The following C9orf78 variants were observed in gnomAD, a reference collection of about 807,000 sequenced individuals.
C9orf78 encodes splicing factor C9orf78.
In C9orf78, 19 loss-of-function variants were observed where a neutral mutation model predicts 37.4. The observed-to-expected ratio is 0.51, with a 90% CI of 0.35 to 0.74. C9orf78 has a LOEUF of 0.74. Among genes scored for constraint, C9orf78 ranks in the 30% least tolerant of loss-of-function variants. The probability of loss-of-function intolerance (pLI) is 0.01; values close to 1 mark genes in which losing one functional copy is unlikely to be tolerated. For synonymous variants in C9orf78, 130 were observed against 128.0 expected (o/e 1.02, Z -0.10); for missense variants, 291 against 370.8 (o/e 0.78, Z 1.77).
intron 6 of C9orf78, chr9:129,830,536 A>G: frequency 3.8e-6 from 1 of 262,880 alleles, no homozygotes; most frequent in Non-Finnish European, 7.4e-6. Context: ...TTTTTTTGAG[A>G]TGGAGTCTTG....
At position 129,827,627 on chromosome 9, in the gene C9orf78, C is replaced by G. The variant is rs1399869002; in HGVS notation, c.*534G>C. ...TAATGCTCACAAGAATAGAGTTTGC[C>G]CCCAAATGGAAAATTACACATTATT... is the stretch of plus-strand genomic sequence containing the variant. On this transcript the variant is annotated 3_prime_UTR_variant, in exon 9 of 9. Coordinates refer to ENST00000372447, the MANE Select transcript of C9orf78 (RefSeq NM_016520.3). 1 of 152,120 alleles carries G rather than the reference C, an allele frequency of 6.6e-6. No homozygotes were observed. The highest frequency in any genetic ancestry group is 1.5e-5 in the Non-Finnish European group (1 of 68,110). The allele number at this position is 152,120 out of a possible 1,614,324, so 9.4% of individuals were successfully genotyped here. A position where few individuals can be genotyped will look rare whatever the true frequency, so the allele number is the denominator to read the frequency against.
At chr9:129,833,065 A>ATGTG (rs1491369132) in intron 4 of C9orf78, among the ~76,000 whole-genome samples, 1 of 101,594 alleles carries the variant, frequency 9.8e-6, no homozygotes, top group Non-Finnish European at 2.4e-5. Context: ...ATGTGTGTAC[A>ATGTG]TATGTGTGTG....
At chr9:129,834,844 G>A (rs1038566913) in intron 1 of C9orf78, 78 bp from the exon 2 acceptor site, 1 of 1,153,250 alleles carries the variant, frequency 8.7e-7, no homozygotes, top group Middle Eastern at 2.0e-4. Flanking sequence ...AGCCAATAAG[G>A]CACCTTCGAG....
intron 6 of C9orf78, 129 bp downstream of exon 6, chr9:129,830,742 C>T: frequency 1.5e-6 from 1 of 685,988 alleles, no homozygotes; most frequent in East Asian, 2.7e-5. Context: ...GAACTCCTGA[C>T]CTCGTGATCC....
In C9orf78 at chr9:129,833,723, A is replaced by G. The variant is rs539068816; in HGVS notation, c.144-14T>C. On this transcript the variant is annotated splice_polypyrimidine_tract_variant and intron_variant, in intron 2 of 8. Transcript: ENST00000372447. ...AAGGCCACAGCACTGAGCAAAACCA[A>G]AAAAAAAAGAGAGGGGGAGAGAGAG... The G allele has an allele frequency of 3.2e-6, 5 of 1,575,810 alleles. No homozygotes were observed. In the East Asian group the frequency reaches 1.1e-4, roughly 35 times the overall value.
At chr9:129,829,341 A>G (rs1210454001) in intron 7 of C9orf78, 38 bp from the exon 8 acceptor site, 1 of 1,601,686 alleles carries the variant, frequency 6.2e-7, no homozygotes, top group East Asian at 2.2e-5. Context: ...TTAGAACATG[A>G]GGTTCCTAGG....
chr9:129,829,366 T>C (rs994114431), intron 7 of C9orf78, 39 bp downstream of exon 7: 36 of 1,605,392 alleles, frequency 2.2e-5, no homozygotes, highest in East Asian at 4.5e-5. Context: ...TCAGCCCAAA[T>C]AGGGGAATGG....
chr9:129,829,732 CTCTGCTCT>C (rs1451193452), intron 6 of C9orf78, 191 bp from the exon 7 acceptor site: 1 of 543,872 alleles, frequency 1.8e-6, no homozygotes, highest in Non-Finnish European at 3.3e-6. Flanking sequence ...ACCACAGTTA[CTCTGCTCT>C]TCTGATCAAG....
Position 129,827,374 on chromosome 9 carries a change from T to C in C9orf78, c.*787A>G, listed in dbSNP as rs2031363412. 1 of 151,966 alleles carries C rather than the reference T, an allele frequency of 6.6e-6. No individual in the cohort carries two copies. The allele number at this position is 151,966 out of a possible 1,614,324, so 9.4% of individuals were successfully genotyped here. A position where few individuals can be genotyped will look rare whatever the true frequency, so the allele number is the denominator to read the frequency against. ...TTTTTTAATGAAAACAAACAAGTAATTTTGTAAAAGTCAGAAAACACCAGT... is the reference window on the plus strand; with the variant it reads ...TTTTTTAATGAAAACAAACAAGTAACTTTGTAAAAGTCAGAAAACACCAGT... On this transcript the variant is annotated 3_prime_UTR_variant, in exon 9 of 9. Transcript: ENST00000372447.
rs376381202 is a variant in C9orf78 at position 129,829,325 on chromosome 9, G to A, written c.680-22C>T. Reference sequence around the variant, plus strand: ...TAAACTGGACCCAAAGAGACCAGGGGACACGTTAGAACATGAGGTTCCTAG... The same window carrying A: ...TAAACTGGACCCAAAGAGACCAGGGAACACGTTAGAACATGAGGTTCCTAG... On this transcript the variant is annotated intron_variant, in intron 7 of 8. Coordinates refer to ENST00000372447, the MANE Select transcript of C9orf78 (RefSeq NM_016520.3). 1,309 of 1,601,898 alleles carry A rather than the reference G, an allele frequency of 8.2e-4. 14 individuals are homozygous for A. Among genetic ancestry groups the A allele is most frequent in the Middle Eastern group, 2.8e-3 (17 of 5,972 alleles).
chr9:129,833,303 T>C (rs2031558422), intron 4 of C9orf78, 144 bp downstream of exon 4: 3 of 631,628 alleles, frequency 4.7e-6, no homozygotes, highest in Non-Finnish European at 8.6e-6. Context: ...TCTTTGTTTT[T>C]AAATAACACA....
chr9:129,831,766 A>G (rs1294055586), intron 5 of C9orf78, 130 bp downstream of exon 5: 1 of 709,620 alleles, frequency 1.4e-6, no homozygotes, highest in African/African-American at 1.8e-5. Context: ...TTAAGCTGGG[A>G]AGTAGAAAGA....
At position 129,830,993 on chromosome 9, in the gene C9orf78, C is replaced by A. The variant is rs1187347943; in HGVS notation, c.420G>T (p.Lys140Asn). The A allele has an allele frequency of 1.2e-6, 2 of 1,613,202 alleles. No individual in the cohort carries two copies. The highest frequency in any genetic ancestry group is 1.1e-5 in the South Asian group (1 of 91,062). The change falls in exon 6 of 9, where the codon AAG (lysine) becomes AAT (asparagine). Residue 140 changes from lysine (K) to asparagine (N), a missense_variant. By Grantham distance (94) the Lys-to-Asn change is moderately conservative. Around this residue, in one of 3 missense-constraint regions of C9orf78, gnomAD observed 158 missense variants for 174.8 expected, o/e 0.90. Coordinates refer to ENST00000372447, the MANE Select transcript of C9orf78 (RefSeq NM_016520.3). The stretch of plus-strand genomic sequence containing the variant: ...GTTCATAAAGACAGTCCTCTGCATT[C>A]TTTGGCTTAACTTTCTGTTCCTCAT... ...VEHEEQKVKPKNAEDCLYELP... is the reference protein window; with the variant it reads ...VEHEEQKVKPNNAEDCLYELP...
Position 129,829,186 on chromosome 9 carries a change from A to C in C9orf78, c.778+19T>G, listed in dbSNP as rs771646091. Reference sequence around the variant, plus strand: ...TTGCTGAGCACTCCAGGCAGCCCCGAGGCCTTTGTTGCACTCACGCTCAGG... The same window carrying C: ...TTGCTGAGCACTCCAGGCAGCCCCGCGGCCTTTGTTGCACTCACGCTCAGG... On this transcript the variant is annotated intron_variant, in intron 8 of 8. Transcript: ENST00000372447. 2.0e-5 allele frequency: 32 copies of C among 1,569,352 alleles called. No homozygotes were observed. In the East Asian group the frequency reaches 6.7e-4, roughly 33 times the overall value.
chr9:129,828,337 C>T lies in C9orf78; in HGVS notation c.779-85G>A, dbSNP rs971022463. 13 of 804,314 alleles carry T rather than the reference C, an allele frequency of 1.6e-5. No homozygotes were observed. The Admixed American group carries it at 2.1e-4, about 13-fold the overall frequency. 49.8% of individuals were successfully genotyped at this position (804,314 alleles called of 1,614,324 possible). A position where few individuals can be genotyped will look rare whatever the true frequency, so the allele number is the denominator to read the frequency against. On this transcript the variant is annotated intron_variant, in intron 8 of 8. Coordinates refer to ENST00000372447, the MANE Select transcript of C9orf78 (RefSeq NM_016520.3). ...ACTCCATGCAGGCAAAGACAACTGC[C>T]TGTTTCCTTCCCCACAGGAGCCCCA...
intron 6 of C9orf78, 192 bp from the exon 7 acceptor site, chr9:129,829,733 T>C (rs2031443035): frequency 5.5e-6 from 3 of 541,554 alleles, no homozygotes; most frequent in Non-Finnish European, 9.8e-6. Context: ...CCACAGTTAC[T>C]CTGCTCTTCT....
At chr9:129,833,015 G>GTGTATATACATGTGTGTGTATATA (rs1554738829) in intron 4 of C9orf78, among the ~76,000 whole-genome samples, 2 of 149,156 alleles carry the variant, frequency 1.3e-5, no homozygotes, top group African/African-American at 2.5e-5. Context: ...GTGTGTGTGT[G>GTGTATATACATGTGTGTGTATATA]TATATGTGTA....
chr9:129,829,373 A>G (rs201526319), intron 7 of C9orf78, 32 bp downstream of exon 7: 1 of 1,607,142 alleles, frequency 6.2e-7, no homozygotes. Context: ...AAATAGGGGA[A>G]TGGGGGCAAG....
intron 6 of C9orf78, chr9:129,830,006 C>G (rs190021039): frequency 6.5e-6 from 1 of 154,042 alleles, no homozygotes; most frequent in African/African-American, 2.4e-5. Context: ...ACAGCTGTAA[C>G]ACGCTAAAGA....
Sources: allele counts gnomAD v4.1 joint callset (sites outside exome capture counted in the v4.1 genomes callset), GRCh38; gene constraint gnomAD v4.1.1; regional missense constraint gnomAD v4.1.1; transcripts MANE v1.5; gene names NCBI Gene and HGNC (gene_info 2026-07-23, HGNC 2026-07-21).